TMX1: variants seen among roughly 807,000 people sequenced by gnomAD.
The protein encoded by TMX1 is thioredoxin related transmembrane protein 1.
A neutral mutation model predicts 36.6 loss-of-function variants in TMX1; 25 were observed. That is an observed-to-expected ratio of 0.68 (90% CI 0.50 to 0.95). The LOEUF (loss-of-function observed/expected upper bound fraction) is 0.95. Ranked by LOEUF, TMX1 falls within the 40% of genes least tolerant of loss-of-function variation. The pLI is 0.00. For synonymous variants in TMX1, 133 were observed against 118.0 expected (o/e 1.13, Z -0.82); for missense variants, 347 against 339.6 (o/e 1.02, Z -0.17).
In TMX1 at chr14:51,254,383, A is replaced by G. The variant is rs2065828874; in HGVS notation, c.707A>G (p.Glu236Gly). The stretch of plus-strand genomic sequence containing the variant: ...TCTGCACAACCTTTGAAAAAAGTGG[A>G]GGAGGAACAAGAGGCGGATGAAGAA... ...SESAQPLKKV[E>G]EEQEADEEDV... The change falls in exon 8 of 8, where the codon GAG becomes GGG. Residue 236 changes from glutamate to glycine, a missense_variant. Transcript: ENST00000457354. 1 of 1,610,678 alleles carries G rather than the reference A, an allele frequency of 6.2e-7. No individual in the cohort carries two copies. Among genetic ancestry groups the G allele is most frequent in the Non-Finnish European group, 8.5e-7 (1 of 1,178,900 alleles).
chr14:51,244,054 A>C (rs191818956), intron 2 of TMX1, 83 bp downstream of exon 2: 4 of 1,118,666 alleles, frequency 3.6e-6, no homozygotes, highest in African/African-American at 3.2e-5. Flanking sequence ...CATAGTCTTA[A>C]TTCTACCTTT....
chr14:51,241,312 G>A (rs1369933449), intron 1 of TMX1, among the ~76,000 whole-genome samples: 1 of 151,880 alleles, frequency 6.6e-6, no homozygotes, highest in East Asian at 1.9e-4. Flanking sequence ...TGTTGATGGT[G>A]GTATTATACA....
At chr14:51,251,917 A>G (rs774907503) in intron 7 of TMX1, among the ~76,000 whole-genome samples, 2 of 152,176 alleles carry the variant, frequency 1.3e-5, no homozygotes, top group South Asian at 2.1e-4. Flanking sequence ...GGGAAAATCT[A>G]TAGGCCCCGG....
intron 1 of TMX1, among the ~76,000 whole-genome samples, chr14:51,241,462 G>T (rs146344034): frequency 5.9e-5 from 9 of 152,284 alleles, no homozygotes; most frequent in Non-Finnish European, 1.2e-4. Flanking sequence ...TTACAAATGA[G>T]TAACAAGATA....
rs1398861249 is a variant in TMX1, at chr14:51,254,482, G to A, written c.806G>A (p.Arg269His). ...TTTCCACAGAATGCCATAAGACAAC[G>A]CTCTCTGGGTCCATCATTGGCCACA... ...KDFPQNAIRQ[R>H]SLGPSLATDK... The change falls in exon 8 of 8, where the codon CGC becomes CAC. Residue 269 changes from arginine (R) to histidine (H), a missense_variant. Arg to His is a conservative substitution (Grantham distance 29, BLOSUM62 0). Coordinates refer to ENST00000457354, the MANE Select transcript of TMX1 (RefSeq NM_030755.5). The A allele has an allele frequency of 2.5e-6, 4 of 1,607,624 alleles. No individual in the cohort carries two copies. Among genetic ancestry groups the A allele is most frequent in the Admixed American group, 1.7e-5 (1 of 58,426 alleles).
intron 1 of TMX1, 137 bp downstream of exon 1, chr14:51,240,581 C>T: frequency 7.8e-7 from 1 of 1,278,952 alleles, no homozygotes; most frequent in Non-Finnish European, 1.0e-6. Flanking sequence ...TTCTGCAGCT[C>T]CCCAAACTCT....
intron 7 of TMX1, among the ~76,000 whole-genome samples, chr14:51,250,952 A>ATGC (rs748264713): frequency 2.7e-3 from 411 of 152,320 alleles, no homozygotes; most frequent in South Asian, 0.013. Flanking sequence ...AGGGGATGGA[A>ATGC]TCATTTTATC....
rs2065829147 is a variant in TMX1, at chr14:51,254,427, G to A, written c.751G>A (p.Ala251Thr). Residue 251 changes from alanine (A) to threonine (T), a missense_variant, in exon 8 of 8, where the codon GCT becomes ACT. By Grantham distance (58) the Ala-to-Thr change is moderately conservative. Transcript: ENST00000457354. ...ADEEDVSEEE[A>T]ESKEGTNKDF... ...TGAAGAAGATGTTTCAGAAGAAGAA[G>A]CTGAAAGTAAAGAAGGAACAAACAA... 2 of 1,612,482 alleles carry A rather than the reference G, an allele frequency of 1.2e-6. No individual in the cohort carries two copies. Among genetic ancestry groups the A allele is most frequent in the Non-Finnish European group, 1.7e-6 (2 of 1,179,232 alleles).
At chr14:51,249,599 A>G in intron 6 of TMX1, 30 bp downstream of exon 6, 2 of 1,602,194 alleles carry the variant, frequency 1.2e-6, no homozygotes, top group Non-Finnish European at 1.7e-6. Context: ...AGTGCTAGGA[A>G]GAAAGATATT....
intron 1 of TMX1, among the ~76,000 whole-genome samples, chr14:51,240,652 T>C (rs541614098): frequency 2.0e-5 from 3 of 152,306 alleles, no homozygotes; most frequent in East Asian, 3.9e-4. Context: ...GTTAAGTTTC[T>C]TCTGGGGTGC....
chr14:51,247,797 T>C (rs1185444337), intron 4 of TMX1, among the ~76,000 whole-genome samples: 1 of 152,180 alleles, frequency 6.6e-6, no homozygotes, highest in African/African-American at 2.4e-5. Flanking sequence ...ATATGTATCA[T>C]CAAAAACTAA....
chr14:51,242,137 A>AG (rs1346563560), intron 1 of TMX1, among the ~76,000 whole-genome samples: 1 of 152,166 alleles, frequency 6.6e-6, no homozygotes, highest in Non-Finnish European at 1.5e-5. Context: ...TCAAAAAAAA[A>AG]GTAGAACATT....
intron 3 of TMX1, chr14:51,245,624 T>G (rs369347787): frequency 6.1e-6 from 4 of 659,624 alleles, no homozygotes; most frequent in Non-Finnish European, 9.6e-6. Flanking sequence ...TTCAGCGTGT[T>G]AAGTCATTAT....
chr14:51,246,749 A>G (rs2065787540), intron 3 of TMX1, among the ~76,000 whole-genome samples: 1 of 152,252 alleles, frequency 6.6e-6, no homozygotes, highest in South Asian at 2.1e-4. Context: ...GCCAAGCACT[A>G]TTCTAATAAT....
rs2065838129 is a variant in TMX1, at chr14:51,256,298, T to TA, written c.*1780dup. On this transcript the variant is annotated 3_prime_UTR_variant, in exon 8 of 8. Coordinates refer to ENST00000457354, the MANE Select transcript of TMX1 (RefSeq NM_030755.5). ...AGAAAATATGTGACCAGAAAGATTC[T>TA]ATAGAGTAAAAAATCAAAGCAAAAC... 6.6e-6 allele frequency: 1 copy of TA among 152,014 alleles called. No homozygotes were observed. Among genetic ancestry groups the TA allele is most frequent in the African/African-American group, 2.4e-5 (1 of 41,380 alleles). 9.4% of individuals were successfully genotyped at this position (152,014 alleles called of 1,614,324 possible). A position where few individuals can be genotyped will look rare whatever the true frequency, so the allele number is the denominator to read the frequency against.
At chr14:51,240,614 C>G (rs1566708420) in intron 1 of TMX1, among the ~76,000 whole-genome samples, 170 bp downstream of exon 1, 1 of 152,152 alleles carries the variant, frequency 6.6e-6, no homozygotes, top group Non-Finnish European at 1.5e-5. Flanking sequence ...CCAGCTTGGT[C>G]CCACCCCCTC....
At chr14:51,249,288 A>G in intron 4 of TMX1, 38 bp from the exon 5 acceptor site, 2 of 1,531,194 alleles carry the variant, frequency 1.3e-6, no homozygotes, top group Non-Finnish European at 1.8e-6. Flanking sequence ...AAATCTGTGT[A>G]TGTTACTCAG....
At chr14:51,250,832 C>T (rs546603111) in intron 7 of TMX1, among the ~76,000 whole-genome samples, 2 of 152,094 alleles carry the variant, frequency 1.3e-5, no homozygotes, top group South Asian at 2.1e-4. Context: ...TCAAAATTTC[C>T]GAAATGAAGT....
At chr14:51,254,042 A>T (rs1291929329) in intron 7 of TMX1, 1 of 195,978 alleles carries the variant, frequency 5.1e-6, no homozygotes. Context: ...TTAATGCTGT[A>T]TATTTTCTCA....
Sources: allele counts gnomAD v4.1 joint callset (sites outside exome capture counted in the v4.1 genomes callset), GRCh38; gene constraint gnomAD v4.1.1; transcripts MANE v1.5; gene names NCBI Gene and HGNC (gene_info 2026-07-23, HGNC 2026-07-21).